The following ATP9B variants were observed in gnomAD, a reference collection of about 807,000 sequenced individuals.
The protein encoded by ATP9B is ATPase phospholipid transporting 9B.
In ATP9B, 110 loss-of-function variants were observed where a neutral mutation model predicts 146.1. The observed-to-expected ratio is 0.75, with a 90% CI of 0.65 to 0.88. ATP9B has a LOEUF of 0.88. Among genes scored for constraint, ATP9B ranks in the 40% least tolerant of loss-of-function variants. The pLI is 0.00. For missense variants in ATP9B, 1,499 were observed against 1,496.4 expected (o/e 1.00, Z -0.03); for synonymous variants, 604 against 569.7 (o/e 1.06, Z -0.86).
At chr18:79,118,447 C>CTGGAG (rs1447170508) in intron 4 of ATP9B, among the ~76,000 whole-genome samples, 2 of 123,378 alleles carry the variant, frequency 1.6e-5, no homozygotes, top group Non-Finnish European at 3.2e-5. Context: ...GTCGCCCAGG[C>CTGGAG]TGGAGTGCAG....
intron 13 of ATP9B, among the ~76,000 whole-genome samples, chr18:79,295,101 C>A (rs2096538097): frequency 4.0e-5 from 1 of 24,728 alleles, no homozygotes; most frequent in Non-Finnish European, 6.7e-5. Context: ...CACACACATA[C>A]ACAGACACAG....
At position 79,172,563 on chromosome 18, in the gene ATP9B, GGC is replaced by G. The variant is rs2095092501; in HGVS notation, c.779-4248_779-4247del. Among the ~76,000 whole-genome samples the G allele has an allele frequency of 2.4e-5, 3 of 125,942 alleles. No homozygotes were observed. In the East Asian group the frequency reaches 9.5e-4, roughly 40 times the overall value. 82.6% of individuals were successfully genotyped at this position (125,942 alleles called of 152,430 possible). ...GGCCTCCCAAGGTGCTGTGATTACA[GGC>G]GTAGCCACCGTGCGCCGACCTTGCG... On this transcript the variant is annotated intron_variant, in intron 7 of 29. Transcript: ENST00000426216.
chr18:79,163,968 G>C (rs757148346), intron 7 of ATP9B, among the ~76,000 whole-genome samples: 22 of 151,920 alleles, frequency 1.4e-4, no homozygotes, highest in Non-Finnish European at 2.8e-4. Flanking sequence ...TCCCAGGCTA[G>C]AGTGCTGTGG....
intron 7 of ATP9B, among the ~76,000 whole-genome samples, chr18:79,155,177 T>C (rs1261862328): frequency 2.0e-5 from 3 of 152,122 alleles, no homozygotes; most frequent in Non-Finnish European, 2.9e-5. Context: ...TTTCAAAGAG[T>C]TTATAGTCTT....
chr18:79,189,341 C>CTTA, intron 8 of ATP9B, among the ~76,000 whole-genome samples: 1 of 138,994 alleles, frequency 7.2e-6, no homozygotes, highest in South Asian at 2.6e-4. Context: ...AGCGAGACTC[C>CTTA]ATCAAAAAAA....
chr18:79,333,233 C>T (rs1261495695), intron 17 of ATP9B, among the ~76,000 whole-genome samples: 3 of 152,200 alleles, frequency 2.0e-5, no homozygotes, highest in Admixed American at 6.5e-5. Context: ...TGAGAAAGGT[C>T]AGATGCCCAA....
chr18:79,125,855 T>G (rs2147184953), intron 4 of ATP9B, among the ~76,000 whole-genome samples: 1 of 152,356 alleles, frequency 6.6e-6, no homozygotes, highest in East Asian at 1.9e-4. Flanking sequence ...TGTTCCTAAA[T>G]ACTTTTATTC....
In ATP9B at chr18:79,359,354, G is replaced by T. The variant is rs1300499454; in HGVS notation, c.2904G>T (p.Gly968=). The change falls in exon 26 of 30, where the codon GGG becomes GGT. Residue 968 remains glycine, a splice_region_variant and synonymous_variant. Transcript: ENST00000426216. ...VPLYQGFLMV[G]YATIYTMFPV... ...TTGCACTCCGCTCTTGGTCTTGCAG[G>T]TATGCCACCATATACACCATGTTCC... The T allele has an allele frequency of 1.2e-6, 2 of 1,611,502 alleles. No individual in the cohort carries two copies. Among genetic ancestry groups the T allele is most frequent in the East Asian group, 2.2e-5 (1 of 44,842 alleles).
intron 9 of ATP9B, among the ~76,000 whole-genome samples, chr18:79,195,004 A>G (rs2095405688): frequency 6.6e-6 from 1 of 152,168 alleles, no homozygotes; most frequent in South Asian, 2.1e-4. Context: ...GGCAAGGGGC[A>G]CTGGTAAAGA....
At chr18:79,181,699 CCACCCAATGAA>C (rs1415809010) in intron 8 of ATP9B, among the ~76,000 whole-genome samples, 4 of 151,988 alleles carry the variant, frequency 2.6e-5, no homozygotes, top group African/African-American at 9.7e-5. Flanking sequence ...TCTGTTAAGC[CCACCCAATGAA>C]TTTTGTTATT....
At chr18:79,149,025 G>A (rs2094639167) in intron 6 of ATP9B, among the ~76,000 whole-genome samples, 1 of 136,854 alleles carries the variant, frequency 7.3e-6, no homozygotes, top group African/African-American at 3.5e-5. Context: ...AGTAATCTAA[G>A]AAAACATAAG....
chr18:79,362,603 ACT>A (rs1189677932), intron 26 of ATP9B: 4 of 152,018 alleles, frequency 2.6e-5, no homozygotes, highest in Non-Finnish European at 2.9e-5. Flanking sequence ...CTCTCTCCTA[ACT>A]CTGCACATGT....
chr18:79,308,969 G>C (rs1213974441), intron 15 of ATP9B, among the ~76,000 whole-genome samples: 2 of 8,716 alleles, frequency 2.3e-4, no homozygotes, highest in African/African-American at 5.8e-4. Context: ...GGGCTGAGGA[G>C]TGATCCCCAG....
At chr18:79,166,342 T>C (rs556148593) in intron 7 of ATP9B, among the ~76,000 whole-genome samples, 17 of 152,246 alleles carry the variant, frequency 1.1e-4, no homozygotes, top group Admixed American at 3.3e-4. Flanking sequence ...GCAATGGGAC[T>C]CGGAGCAAAT....
rs575983616 is a variant in ATP9B, at chr18:79,154,658, T to A, written c.778+103T>A. ...AACTGTTTTCCTTACATTTTTAGTA[T>A]GCTGCAGCAATGAGGAATATTCTGT... On this transcript the variant is annotated intron_variant, in intron 7 of 29. Transcript: ENST00000426216. The A allele has an allele frequency of 3.7e-5, 26 of 705,398 alleles. No homozygotes were observed. In the South Asian group the frequency reaches 6.3e-4, roughly 17 times the overall value. 43.7% of individuals were successfully genotyped at this position (705,398 alleles called of 1,614,324 possible).
intron 11 of ATP9B, among the ~76,000 whole-genome samples, chr18:79,249,254 A>T (rs748333018): frequency 7.9e-5 from 12 of 152,316 alleles, no homozygotes; most frequent in African/African-American, 2.9e-4. Flanking sequence ...AGCATTTTAG[A>T]TTATACAGGC....
intron 25 of ATP9B, chr18:79,354,474 T>G (rs2096938775): frequency 7.0e-6 from 1 of 143,736 alleles, no homozygotes; most frequent in Non-Finnish European, 1.5e-5. Flanking sequence ...GAGGCTGAGG[T>G]GAGAGGATCA....
At chr18:79,081,654 G>T (rs188810675) in intron 1 of ATP9B, among the ~76,000 whole-genome samples, 1 of 148,538 alleles carries the variant, frequency 6.7e-6, no homozygotes, top group Non-Finnish European at 1.5e-5. Flanking sequence ...AGGGTTTTTC[G>T]TGTCTCTATC....
intron 13 of ATP9B, among the ~76,000 whole-genome samples, chr18:79,286,279 C>T (rs1183108224): frequency 1.3e-5 from 2 of 151,996 alleles, no homozygotes; most frequent in Non-Finnish European, 2.9e-5. Context: ...TTGTTTGTAT[C>T]CTCTTTTATT....
Sources: allele counts gnomAD v4.1 joint callset (sites outside exome capture counted in the v4.1 genomes callset), GRCh38; gene constraint gnomAD v4.1.1; transcripts MANE v1.5; gene names NCBI Gene and HGNC (gene_info 2026-07-23, HGNC 2026-07-21).